TENM1: variants seen among roughly 807,000 people sequenced by gnomAD.
TENM1 encodes teneurin transmembrane protein 1, also known as teneurin-1.
A neutral mutation model predicts 174.8 loss-of-function variants in TENM1; 35 were observed. The observed-to-expected ratio is 0.20, with a 90% CI of 0.15 to 0.27. TENM1 has a LOEUF of 0.27. Ranked by LOEUF, TENM1 falls within the 10% of genes least tolerant of loss-of-function variation. The pLI, the probability that TENM1 is intolerant of heterozygous loss-of-function variation, is 1.00. For missense variants in TENM1, 1,633 were observed against 2,130.1 expected (o/e 0.77, Z 4.59); for synonymous variants, 781 against 798.7 (o/e 0.98, Z 0.37).
chrX:125,132,389 C>G, the TENM1 span, among the ~76,000 whole-genome samples: 1 of 111,089 alleles, frequency 9.0e-6, no homozygotes, highest in South Asian at 3.8e-4. Flanking sequence ...TTAAATTTTG[C>G]CTTTTCTCAT....
In TENM1 at chrX:124,632,368, TG is replaced by T. The variant is rs768741026; in HGVS notation, c.2077+9422del. Among the ~76,000 whole-genome samples the T allele has an allele frequency of 4.5e-5, 5 of 111,293 alleles. No homozygotes were observed. In the South Asian group the frequency reaches 1.5e-3, roughly 34 times the overall value. On this transcript the variant is annotated intron_variant, in intron 11 of 31. Coordinates refer to ENST00000422452, the Ensembl canonical transcript of TENM1. ...TATTACTTACCCTACTCATACCGTG[TG>T]GGTGTTATGAGACTAATAGAAACAT...
chrX:124,743,483 G>C (rs188998776), intron 3 of TENM1, among the ~76,000 whole-genome samples: 131 of 111,821 alleles, frequency 1.2e-3, no homozygotes, highest in Middle Eastern at 9.2e-3. Flanking sequence ...ATAGAGAGGA[G>C]ATATCACAAC....
the TENM1 span, among the ~76,000 whole-genome samples, chrX:125,005,353 C>T: frequency 9.3e-6 from 1 of 107,384 alleles, no homozygotes; most frequent in African/African-American, 3.4e-5. Context: ...GAGACACAAC[C>T]TTAAGTGTGC....
chrX:124,940,383 A>G (rs1256189581), intron 1 of TENM1, among the ~76,000 whole-genome samples: 1 of 111,854 alleles, frequency 8.9e-6, no homozygotes, highest in Non-Finnish European at 1.9e-5. Context: ...TTCAATGCCC[A>G]CTAGAAAAAT....
intron 11 of TENM1, among the ~76,000 whole-genome samples, chrX:124,609,685 G>A (rs896590358): frequency 8.1e-5 from 9 of 111,544 alleles, no homozygotes; most frequent in Non-Finnish European, 1.3e-4. Context: ...GCCCCCACTG[G>A]AGTAAAATGT....
intron 14 of TENM1, among the ~76,000 whole-genome samples, chrX:124,551,000 T>C (rs1043872054): frequency 1.8e-5 from 2 of 112,452 alleles, no homozygotes; most frequent in African/African-American, 6.5e-5. Flanking sequence ...CCTCAGGTGA[T>C]CAAACTGCCT....
At chrX:124,477,855 A>G (rs1214842349) in intron 22 of TENM1, among the ~76,000 whole-genome samples, 1 of 111,705 alleles carries the variant, frequency 9.0e-6, no homozygotes, top group Non-Finnish European at 1.9e-5. Context: ...AAACTGGGTA[A>G]ATTTCTTTTT....
intron 3 of TENM1, among the ~76,000 whole-genome samples, chrX:124,868,219 A>G (rs754832676): frequency 2.7e-5 from 3 of 112,186 alleles, no homozygotes; most frequent in Non-Finnish European, 5.6e-5. Context: ...ACATTACCTG[A>G]CTTCAAATTA....
At chrX:125,012,434 C>A in the TENM1 span, among the ~76,000 whole-genome samples, 1 of 112,133 alleles carries the variant, frequency 8.9e-6, no homozygotes, top group Non-Finnish European at 1.9e-5. Flanking sequence ...CGCTTAGAAG[C>A]GAATTGACTC....
chrX:124,648,745 T>C (rs954646278), intron 8 of TENM1, among the ~76,000 whole-genome samples: 38 of 112,170 alleles, frequency 3.4e-4, no homozygotes, highest in African/African-American at 1.2e-3. Flanking sequence ...TAGAAGGCCA[T>C]AGAGGAAGCT....
At chrX:124,387,666 A>G (rs185120173) in intron 28 of TENM1, among the ~76,000 whole-genome samples, 1 of 112,687 alleles carries the variant, frequency 8.9e-6, no homozygotes, top group East Asian at 2.8e-4. Flanking sequence ...CTGAAACTGC[A>G]TATCCTCCCT....
At chrX:124,447,308 C>A (rs1368451788) in intron 23 of TENM1, among the ~76,000 whole-genome samples, 1 of 111,530 alleles carries the variant, frequency 9.0e-6, no homozygotes, top group Non-Finnish European at 1.9e-5. Context: ...CTGTGCCACA[C>A]ACAGGCTTTC....
Position 124,487,097 on chromosome X carries a change from C to T in TENM1, c.3716+112G>A, listed in dbSNP as rs1037896555. Reference sequence around the variant, plus strand: ...GTTATAACTTCCAAATTTATGTTCACACTATTCTTTAACCTTATTTAGGAA... The same window carrying T: ...GTTATAACTTCCAAATTTATGTTCATACTATTCTTTAACCTTATTTAGGAA... On this transcript the variant is annotated intron_variant, in intron 21 of 31. Transcript: ENST00000422452. 4.0e-6 allele frequency: 3 copies of T among 744,233 alleles called. No homozygotes were observed. In the African/African-American group the frequency reaches 6.4e-5, roughly 16 times the overall value. The allele number at this position is 744,233 out of a possible 1,213,427, so 61.3% of individuals were successfully genotyped here.
intron 25 of TENM1, among the ~76,000 whole-genome samples, chrX:124,414,610 G>A (rs2060574114): frequency 9.0e-6 from 1 of 110,919 alleles, no homozygotes; most frequent in Non-Finnish European, 1.9e-5. Context: ...ACTAACACTT[G>A]GGGTGTGCAA....
Position 124,827,240 on chromosome X carries a change from G to A in TENM1, c.535+67056C>T, listed in dbSNP as rs1299307973. Among the ~76,000 whole-genome samples, 3 of 111,058 alleles carry A rather than the reference G, an allele frequency of 2.7e-5. No homozygotes were observed. In the Admixed American group the frequency reaches 2.9e-4, roughly 11 times the overall value. ...TAATTTTTGTATTTTTAGTAGAGAC[G>A]GGGTTTCACCATGTTGGCCAGGCTG... On this transcript the variant is annotated intron_variant, in intron 3 of 31. Coordinates refer to ENST00000422452, the Ensembl canonical transcript of TENM1.
At position 124,503,849 on chromosome X, in the gene TENM1, C is replaced by A; in HGVS notation, c.3302-146G>T. The A allele has an allele frequency of 1.2e-5, 6 of 516,603 alleles. No individual in the cohort carries two copies. In the South Asian group the frequency reaches 2.2e-4, roughly 19 times the overall value. The allele number at this position is 516,603 out of a possible 1,213,427, so 42.6% of individuals were successfully genotyped here. On this transcript the variant is annotated intron_variant, in intron 18 of 31. Coordinates refer to ENST00000422452, the Ensembl canonical transcript of TENM1. Reference sequence around the variant, plus strand: ...GACTGCAAATTTCTTTCACCTAGCACAGTACAACATTGCATCTAGCATAGC... The same window carrying A: ...GACTGCAAATTTCTTTCACCTAGCAAAGTACAACATTGCATCTAGCATAGC...
chrX:124,883,848 C>A (rs2147525135), intron 3 of TENM1, among the ~76,000 whole-genome samples: 1 of 111,311 alleles, frequency 9.0e-6, no homozygotes. Flanking sequence ...GTGGACTGAG[C>A]AGGCAATCCT....
At chrX:124,621,778 T>C (rs1289553401) in intron 11 of TENM1, among the ~76,000 whole-genome samples, 2 of 111,811 alleles carry the variant, frequency 1.8e-5, no homozygotes, top group Admixed American at 9.5e-5. Flanking sequence ...TCCCCTCTCA[T>C]GTAGGGAAAG....
intron 1 of TENM1, among the ~76,000 whole-genome samples, chrX:124,902,067 T>TG (rs778469934): frequency 8.9e-6 from 1 of 112,039 alleles, no homozygotes; most frequent in East Asian, 2.8e-4. Context: ...CTTAACATTT[T>TG]GGGGGCTAGT....
Sources: allele counts gnomAD v4.1 joint callset (sites outside exome capture counted in the v4.1 genomes callset), GRCh38; gene constraint gnomAD v4.1.1; transcripts MANE v1.5; gene names NCBI Gene and HGNC (gene_info 2026-07-23, HGNC 2026-07-21).